SYNE1: variants seen among roughly 807,000 people sequenced by gnomAD.
SYNE1 encodes spectrin repeat containing nuclear envelope protein 1.
SYNE1 carries 616 observed loss-of-function variants against 1,111.0 expected under a neutral mutation model. The observed-to-expected ratio is 0.55, with a 90% CI of 0.52 to 0.59. The LOEUF is 0.59. Among genes scored for constraint, SYNE1 ranks in the 20% least tolerant of loss-of-function variants. The probability of loss-of-function intolerance (pLI) is 0.00; values close to 1 mark genes in which losing one functional copy is unlikely to be tolerated. For missense variants in SYNE1, 10,006 were observed against 10,417.0 expected, an observed-to-expected ratio of 0.96 and a Z score of 1.72; for synonymous variants, 3,855 against 3,825.8, an observed-to-expected ratio of 1.01 and a Z score of -0.28.
At chr6:152,616,582 AAAC>A (rs900560744) in intron 3 of SYNE1, among the ~76,000 whole-genome samples, 1 of 152,052 alleles carries the variant, frequency 6.6e-6, no homozygotes, top group Non-Finnish European at 1.5e-5. Flanking sequence ...TCTCAAAACA[AAAC>A]AACAACAACA....
At chr6:152,448,481 T>C (rs1018185800) in intron 28 of SYNE1, among the ~76,000 whole-genome samples, 6 of 152,206 alleles carry the variant, frequency 3.9e-5, no homozygotes, top group Non-Finnish European at 8.8e-5. Context: ...CAAATGTAGA[T>C]ATCCTTCCAT....
At chr6:152,251,866 A>G (rs1035963208) in intron 104 of SYNE1, among the ~76,000 whole-genome samples, 2 of 131,244 alleles carry the variant, frequency 1.5e-5, no homozygotes, top group African/African-American at 5.8e-5. Context: ...TATTACAAAC[A>G]TAAAATACAT....
intron 31 of SYNE1, among the ~76,000 whole-genome samples, chr6:152,441,492 C>T (rs1336346534): frequency 6.6e-6 from 1 of 151,988 alleles, no homozygotes; most frequent in East Asian, 1.9e-4. Context: ...CAGATGATTT[C>T]TGAGTTTTTT....
intron 78 of SYNE1, among the ~76,000 whole-genome samples, chr6:152,326,874 T>C (rs1419234556): frequency 6.6e-6 from 1 of 152,206 alleles, no homozygotes; most frequent in African/African-American, 2.4e-5. Flanking sequence ...AGAAATGGGA[T>C]AGAAATTTAT....
At chr6:152,155,781 G>C in intron 132 of SYNE1, 129 bp downstream of exon 132, 1 of 1,112,264 alleles carries the variant, frequency 9.0e-7, no homozygotes, top group Non-Finnish European at 1.3e-6. Flanking sequence ...ACAATAGTAA[G>C]TTTGGGAAGC....
At position 152,488,420 on chromosome 6, in the gene SYNE1, T is replaced by C. The variant is rs748655050; in HGVS notation, c.1023A>G (p.Glu341=). The change falls in exon 12 of 146, where the codon GAA becomes GAG. Residue 341 remains glutamate (E), a synonymous_variant. Transcript: ENST00000367255. ...ERDLTRAQMV[E]SNLQDKYQSF... is the part of the protein sequence containing the mutation. ...CCTGATATTTATCCTGTAAATTTGA[T>C]TCCACCATCTGTGCTCTTGTCAAAT... 1.9e-6 allele frequency: 3 copies of C among 1,606,322 alleles called. No individual in the cohort carries two copies. Among genetic ancestry groups the C allele is most frequent in the African/African-American group, 1.3e-5 (1 of 74,890 alleles).
intron 47 of SYNE1, among the ~76,000 whole-genome samples, chr6:152,400,867 GAA>G (rs112642831): frequency 6.6e-6 from 1 of 151,084 alleles, no homozygotes; most frequent in African/African-American, 2.4e-5. Flanking sequence ...TTATAAAAAA[GAA>G]AAAAAAACTT....
At chr6:152,355,129 C>A (rs1373343310) in intron 66 of SYNE1, among the ~76,000 whole-genome samples, 153 bp from the exon 67 acceptor site, 1 of 152,088 alleles carries the variant, frequency 6.6e-6, no homozygotes, top group East Asian at 1.9e-4. Flanking sequence ...TGTCCCTAAC[C>A]ATATTTTCTC....
chr6:152,319,705 G>A (rs1229623721), intron 84 of SYNE1, among the ~76,000 whole-genome samples: 1 of 117,950 alleles, frequency 8.5e-6, no homozygotes, highest in Non-Finnish European at 1.8e-5. Flanking sequence ...AACCTCTTTA[G>A]TAGGGAGAAA....
chr6:152,122,378 G>A lies in SYNE1; in HGVS notation c.*58C>T, dbSNP rs1384793092. On this transcript the variant is annotated 3_prime_UTR_variant, in exon 146 of 146. Coordinates refer to ENST00000367255, the MANE Select transcript of SYNE1 (RefSeq NM_182961.4). Reference sequence around the variant, plus strand: ...GTCCTCTTGTTGGTAGTTTGGGATTGCTTATGACCCGATCCTCCTTATGCT... The same window carrying A: ...GTCCTCTTGTTGGTAGTTTGGGATTACTTATGACCCGATCCTCCTTATGCT... 5.6e-6 allele frequency: 9 copies of A among 1,612,788 alleles called. No homozygotes were observed. The highest frequency in any genetic ancestry group is 7.6e-6 in the Non-Finnish European group (9 of 1,180,014).
chr6:152,225,982 TC>T, intron 115 of SYNE1, 106 bp from the exon 116 acceptor site: 1 of 1,101,386 alleles, frequency 9.1e-7, no homozygotes, highest in East Asian at 2.5e-5. Context: ...CTTTTACTAA[TC>T]CAAAAAGCTT....
At chr6:152,634,800 T>G (rs1448161238) in intron 2 of SYNE1, among the ~76,000 whole-genome samples, 2 of 152,272 alleles carry the variant, frequency 1.3e-5, no homozygotes, top group East Asian at 3.8e-4. Context: ...CAACCTTCTT[T>G]TTTTCCCTTG....
chr6:152,285,705 G>A (rs75645874), intron 95 of SYNE1, among the ~76,000 whole-genome samples: 4,478 of 152,152 alleles, frequency 0.029, 216 homozygotes, highest in African/African-American at 0.1. Context: ...TTGCTCTTAG[G>A]TTAATTGTCA....
At chr6:152,393,947 G>C (rs2097689185) in intron 51 of SYNE1, among the ~76,000 whole-genome samples, 1 of 152,148 alleles carries the variant, frequency 6.6e-6, no homozygotes, top group Non-Finnish European at 1.5e-5. Context: ...ATCTACATTA[G>C]GTATTTCTCT....
At chr6:152,365,131 T>C in intron 62 of SYNE1, 112 bp from the exon 63 acceptor site, 5 of 1,364,990 alleles carry the variant, frequency 3.7e-6, no homozygotes, top group Non-Finnish European at 5.1e-6. Flanking sequence ...TGCCCAGCCC[T>C]GGAGCTCCCA....
intron 56 of SYNE1, among the ~76,000 whole-genome samples, chr6:152,377,465 C>T (rs1039802763): frequency 1.3e-4 from 19 of 150,522 alleles, no homozygotes; most frequent in African/African-American, 3.9e-4. Flanking sequence ...AAAAATTAGC[C>T]AGTTGTGGTG....
intron 6 of SYNE1, among the ~76,000 whole-genome samples, chr6:152,511,392 T>A (rs2099084103): frequency 6.6e-6 from 1 of 152,048 alleles, no homozygotes; most frequent in South Asian, 2.1e-4. Flanking sequence ...AACAAAAATG[T>A]CAAACAGAAA....
intron 119 of SYNE1, 94 bp downstream of exon 119, chr6:152,220,748 T>C (rs939712265): frequency 1.5e-5 from 17 of 1,168,250 alleles, no homozygotes; most frequent in Admixed American, 5.1e-5. Flanking sequence ...CTGTCTCACA[T>C]AGAAAGACAT....
intron 14 of SYNE1, among the ~76,000 whole-genome samples, chr6:152,475,295 ATGT>A (rs1428188188): frequency 2.6e-5 from 4 of 152,224 alleles, no homozygotes; most frequent in African/African-American, 9.6e-5. Flanking sequence ...TAAGTTGAAA[ATGT>A]TGTAAGTCAA....
Sources: gnomAD v4.1 joint callset for allele counts (sites outside exome capture counted in the v4.1 genomes callset) on GRCh38, gnomAD v4.1.1 for gene constraint, MANE v1.5 for transcripts, NCBI Gene and HGNC (gene_info 2026-07-23, HGNC 2026-07-21) for gene names.